LRRC75B: variants seen among roughly 807,000 people sequenced by gnomAD.
The protein encoded by LRRC75B is leucine rich repeat containing 75B.
LRRC75B carries 20 observed loss-of-function variants against 16.5 expected under a neutral mutation model. That is an observed-to-expected ratio of 1.21 (90% CI 0.85 to 1.76). LRRC75B has a LOEUF of 1.76. Ranked by LOEUF, LRRC75B falls within the 40% of genes most tolerant of loss-of-function variation. The probability of loss-of-function intolerance (pLI) is 0.00; values close to 1 mark genes in which losing one functional copy is unlikely to be tolerated. For synonymous variants in LRRC75B, 199 were observed against 198.1 expected (o/e 1.00, Z -0.04); for missense variants, 406 against 417.0 (o/e 0.97, Z 0.23).
chr22:24,589,687 C>G, intron 2 of LRRC75B, 134 bp downstream of exon 2: 4 of 1,030,222 alleles, frequency 3.9e-6, no homozygotes, highest in Non-Finnish European at 5.5e-6. Context: ...AGGTCTCAGA[C>G]AGGGACAGTG....
chr22:24,589,904 C>G lies in LRRC75B; in HGVS notation c.223G>C (p.Asp75His), dbSNP rs774666585. ...TCGACCGGGTTGAGGAAGGCCACAT[C>G]TCTGTAGAGGATATCAGGAAGGAGG... is the stretch of plus-strand genomic sequence containing the variant. The part of the protein sequence containing the change: ...RTLLPDILYR[D>H]VAFLNPVDPI... The change falls in exon 2 of 4, where the codon GAT becomes CAT. Residue 75 changes from aspartate (D) to histidine (H), a missense_variant. By Grantham distance (81) the Asp-to-His change is moderately conservative. Transcript: ENST00000318753. 1.2e-6 allele frequency: 2 copies of G among 1,613,046 alleles called. No homozygotes were observed. The highest frequency in any genetic ancestry group is 1.7e-6 in the Non-Finnish European group (2 of 1,179,604).
At chr22:24,592,809 A>ACCCCCAGT in intron 1 of LRRC75B, 54 bp downstream of exon 1, 1 of 1,235,716 alleles carries the variant, frequency 8.1e-7, no homozygotes, top group Non-Finnish European at 1.0e-6. Flanking sequence ...AGACCCCCAG[A>ACCCCCAGT]CCCCCAGACC....
At chr22:24,589,366 C>T (rs1325061863) in intron 2 of LRRC75B, 13 of 1,127,040 alleles carry the variant, frequency 1.2e-5, no homozygotes, top group Middle Eastern at 3.6e-4. Flanking sequence ...AGCACCCGTC[C>T]GCAAGGGTGT....
intron 1 of LRRC75B, chr22:24,592,242 C>CACCGG (rs1459603934): frequency 2.2e-6 from 1 of 459,608 alleles, no homozygotes; most frequent in East Asian, 7.0e-5. Context: ...GCAGAGCCAC[C>CACCGG]ACCGGACCGA....
At chr22:24,592,300 C>A in intron 1 of LRRC75B, 1 of 468,950 alleles carries the variant, frequency 2.1e-6, no homozygotes, top group South Asian at 1.6e-5. Flanking sequence ...AGGGCATGAG[C>A]CGCCTGTTGG....
At chr22:24,592,652 C>A in intron 1 of LRRC75B, 1 of 787,170 alleles carries the variant, frequency 1.3e-6, no homozygotes, top group African/African-American at 1.8e-5. Context: ...ACCCAGCCCT[C>A]ACTCCAGGCG....
chr22:24,586,285 C>A lies in LRRC75B; in HGVS notation c.549G>T (p.Ala183=). ...RYLSSHGAVL[A]VLDLSFTGLS... The stretch of plus-strand genomic sequence containing the variant: ...GCCCCGTGAAGCTCAGGTCCAGCAC[C>A]GCCAGCACAGCACCATGGCTGCTCA... The change falls in exon 4 of 4, where the codon GCG becomes GCT. Residue 183 remains alanine (A), a synonymous_variant. Transcript: ENST00000318753. The A allele has an allele frequency of 6.2e-7, 1 of 1,613,966 alleles. No homozygotes were observed. The highest frequency in any genetic ancestry group is 8.5e-7 in the Non-Finnish European group (1 of 1,180,046).
intron 1 of LRRC75B, among the ~76,000 whole-genome samples, chr22:24,590,334 G>C (rs1025826669): frequency 2.0e-5 from 3 of 152,138 alleles, no homozygotes; most frequent in African/African-American, 4.8e-5. Context: ...GTCTCACTAT[G>C]TTGCCCAGAC....
intron 2 of LRRC75B, 36 bp from the exon 3 acceptor site, chr22:24,588,365 C>G (rs755656451): frequency 1.3e-6 from 2 of 1,514,498 alleles, no homozygotes; most frequent in Non-Finnish European, 1.8e-6. Context: ...TGAATCTGAG[C>G]CCCTCCTGCC....
intron 1 of LRRC75B, chr22:24,592,325 A>G (rs2045594150): frequency 4.3e-6 from 2 of 469,652 alleles, no homozygotes; most frequent in African/African-American, 4.0e-5. Context: ...CTGGTGATGC[A>G]TGGATGGCTC....
At chr22:24,586,572 T>C (rs1354688053) in intron 3 of LRRC75B, among the ~76,000 whole-genome samples, 161 bp from the exon 4 acceptor site, 1 of 152,228 alleles carries the variant, frequency 6.6e-6, no homozygotes, top group Non-Finnish European at 1.5e-5. Flanking sequence ...GCTCTTTTTG[T>C]CCAGGCTGGA....
At chr22:24,587,097 C>T (rs939766779) in intron 3 of LRRC75B, among the ~76,000 whole-genome samples, 5 of 152,242 alleles carry the variant, frequency 3.3e-5, no homozygotes, top group South Asian at 2.1e-4. Flanking sequence ...AACTGAGATG[C>T]TCTGACTCTT....
chr22:24,589,201 C>A, intron 2 of LRRC75B: 1 of 1,234,340 alleles, frequency 8.1e-7, no homozygotes. Context: ...GCCACACATC[C>A]TGGGGCTGTG....
In LRRC75B at chr22:24,586,227, TGG is replaced by T; in HGVS notation, c.605_606del (p.Pro202GlnfsTer28). 6.2e-7 allele frequency: 1 copy of T among 1,613,728 alleles called. No homozygotes were observed. The highest frequency in any genetic ancestry group is 8.5e-7 in the Non-Finnish European group (1 of 1,180,040). ...GTGAGGCGGGGCAGCGCCCACAGGC[TGG>T]GCAGCAGGAGGTGCAGCAGCTCATC... is the stretch of plus-strand genomic sequence containing the variant. Reference protein sequence around the residue: ...LSDELLHLLLPSLWALPRLTQ... With the variant: ...LSDELLHLLLXSLWALPRLTQ... On this transcript the variant is annotated frameshift_variant, in exon 4 of 4. Coordinates refer to ENST00000318753, the MANE Select transcript of LRRC75B (RefSeq NM_207644.3). LOFTEE classifies it low-confidence loss of function (END_TRUNC).
intron 2 of LRRC75B, chr22:24,588,954 G>A: frequency 9.9e-7 from 1 of 1,007,550 alleles, no homozygotes. Context: ...CTGGCACTGA[G>A]CATGCTCCAC....
rs1303812832 is a variant in LRRC75B at position 24,586,039 on chromosome 22, C to T, written c.795G>A (p.Arg265=). The T allele has an allele frequency of 1.2e-6, 2 of 1,611,288 alleles. No homozygotes were observed. The highest frequency in any genetic ancestry group is 1.7e-6 in the Non-Finnish European group (2 of 1,179,916). ...LPQPLLVGLR[R]RLSQRTSLPT... is the part of the protein sequence containing the mutation. Reference sequence around the variant, plus strand: ...GGAGTGAGGTGCGCTGGCTCAGCCGCCGGCGCAGGCCGACCAGCAGGGGCT... The same window carrying T: ...GGAGTGAGGTGCGCTGGCTCAGCCGTCGGCGCAGGCCGACCAGCAGGGGCT... Residue 265 remains arginine, a synonymous_variant, in exon 4 of 4, where the codon CGG becomes CGA. Transcript: ENST00000318753.
rs746902161 is a variant in LRRC75B at position 24,589,771 on chromosome 22, C to A, written c.306+50G>T. ...TCCCCAGCCCTGGGCTCTGTTGGCC[C>A]CCCTGTCCACCACAGTGCCCAGCCC... On this transcript the variant is annotated intron_variant, in intron 2 of 3. Coordinates refer to ENST00000318753, the MANE Select transcript of LRRC75B (RefSeq NM_207644.3). 9 of 1,472,192 alleles carry A rather than the reference C, an allele frequency of 6.1e-6. No individual in the cohort carries two copies. In the East Asian group the frequency reaches 2.2e-4, roughly 35 times the overall value. 91.2% of individuals were successfully genotyped at this position (1,472,192 alleles called of 1,614,324 possible). A position where few individuals can be genotyped will look rare whatever the true frequency, so the allele number is the denominator to read the frequency against.
intron 1 of LRRC75B, among the ~76,000 whole-genome samples, chr22:24,590,578 G>A (rs5760486): frequency 0.3 from 45,075 of 151,906 alleles, 7,066 homozygotes; most frequent in African/African-American, 0.38. Flanking sequence ...GGGGTCTTTC[G>A]TCTTATGGTG....
At chr22:24,591,559 G>A (rs2045568821) in intron 1 of LRRC75B, among the ~76,000 whole-genome samples, 1 of 152,244 alleles carries the variant, frequency 6.6e-6, no homozygotes, top group African/African-American at 2.4e-5. Flanking sequence ...GGTCCCTGCA[G>A]GTTATGGAGC....
Sources: gnomAD v4.1 joint callset for allele counts (sites outside exome capture counted in the v4.1 genomes callset) on GRCh38, gnomAD v4.1.1 for gene constraint, MANE v1.5 for transcripts, NCBI Gene and HGNC (gene_info 2026-07-23, HGNC 2026-07-21) for gene names.